The following TRIM26 variants were observed in gnomAD, a reference collection of about 807,000 sequenced individuals.
The protein encoded by TRIM26 is tripartite motif-containing protein 26.
Under a neutral mutation model 45.5 loss-of-function variants are expected in TRIM26, and 16 were observed. That is an observed-to-expected ratio of 0.35 (90% CI 0.24 to 0.53). TRIM26 has a LOEUF of 0.53. Among genes scored for constraint, TRIM26 ranks in the 20% least tolerant of loss-of-function variants. The probability of loss-of-function intolerance (pLI) is 0.92; values close to 1 mark genes in which losing one functional copy is unlikely to be tolerated. For missense variants in TRIM26, 442 were observed against 691.1 expected (o/e 0.64, Z 4.04); for synonymous variants, 273 against 290.4 (o/e 0.94, Z 0.61).
chr6:30,200,301 A>G (rs1777029333), intron 3 of TRIM26, among the ~76,000 whole-genome samples: 1 of 152,158 alleles, frequency 6.6e-6, no homozygotes, highest in Non-Finnish European at 1.5e-5. Context: ...AAAAAACCAG[A>G]AAACATTAAA....
chr6:30,201,297 A>G (rs148461877), intron 2 of TRIM26, among the ~76,000 whole-genome samples, 159 bp from the exon 3 acceptor site: 2 of 152,334 alleles, frequency 1.3e-5, no homozygotes, highest in East Asian at 3.9e-4. Flanking sequence ...TATAACGTCC[A>G]CTCATTGAGG....
intron 5 of TRIM26, among the ~76,000 whole-genome samples, chr6:30,198,000 C>T (rs541003284): frequency 3.9e-4 from 60 of 152,304 alleles, no homozygotes; most frequent in African/African-American, 1.4e-3. Context: ...TTTTCTAGCC[C>T]TTCCCTCTCA....
chr6:30,208,534 CCA>C (rs1777951603), intron 1 of TRIM26, among the ~76,000 whole-genome samples: 1 of 119,498 alleles, frequency 8.4e-6, no homozygotes, highest in Non-Finnish European at 1.7e-5. Context: ...TTTTTTTTTT[CCA>C]TGTATTTGGG....
In TRIM26 at chr6:30,189,297, T is replaced by C; in HGVS notation, c.905-98A>G. The stretch of plus-strand genomic sequence containing the variant: ...CAATTTCCTGATAGGGATCCATGTC[T>C]AAGACAAGAGGCCCTCAGAAGAGTG... On this transcript the variant is annotated intron_variant, in intron 8 of 9. Coordinates refer to ENST00000454678, the MANE Select transcript of TRIM26 (RefSeq NM_003449.5). This position sits in a 1 kb window ranked among gnomAD's most constrained non-coding sequence, Gnocchi z 5.0. 1 of 1,587,260 alleles carries C rather than the reference T, an allele frequency of 6.3e-7. No homozygotes were observed. Among genetic ancestry groups the C allele is most frequent in the Non-Finnish European group, 8.6e-7 (1 of 1,156,670 alleles).
At position 30,186,738 on chromosome 6, in the gene TRIM26, T is replaced by C; in HGVS notation, c.938-180A>G. The stretch of plus-strand genomic sequence containing the variant: ...TGTGACACATTTTCTGGCTTTGTAT[T>C]CTGCTAAATCACCATAACTAAACTG... On this transcript the variant is annotated intron_variant, in intron 9 of 9. Transcript: ENST00000454678. This position sits in a 1 kb window ranked among gnomAD's most constrained non-coding sequence, Gnocchi z 7.4. 9 of 1,016,242 alleles carry C rather than the reference T, an allele frequency of 8.9e-6. No homozygotes were observed. The highest frequency in any genetic ancestry group is 1.1e-5 in the Non-Finnish European group (8 of 698,988). The allele number at this position is 1,016,242 out of a possible 1,614,324, so 63.0% of individuals were successfully genotyped here.
chr6:30,213,154 G>A (rs1778464780), intron 1 of TRIM26, among the ~76,000 whole-genome samples, 151 bp downstream of exon 1: 1 of 152,242 alleles, frequency 6.6e-6, no homozygotes, highest in Non-Finnish European at 1.5e-5. Context: ...CTGGCAGGGA[G>A]GACGCAGCGA....
Position 30,207,796 on chromosome 6 carries a change from G to C in TRIM26, c.-375-3031C>G, listed in dbSNP as rs888400284. Among the ~76,000 whole-genome samples the C allele has an allele frequency of 6.6e-6, 1 of 152,028 alleles. No homozygotes were observed. The highest frequency in any genetic ancestry group is 2.4e-5 in the African/African-American group (1 of 41,390). ...ATGCTCTTTCCTGGCTAAGCCCTTCGACAATGTAATTCCTTCTGCCTAGAA... is the reference window on the plus strand; with the variant it reads ...ATGCTCTTTCCTGGCTAAGCCCTTCCACAATGTAATTCCTTCTGCCTAGAA... On this transcript the variant is annotated intron_variant, in intron 1 of 9. Coordinates refer to ENST00000454678, the MANE Select transcript of TRIM26 (RefSeq NM_003449.5). This position sits in a 1 kb window ranked among gnomAD's most constrained non-coding sequence, Gnocchi z 4.9.
Position 30,186,496 on chromosome 6 carries a change from A to G in TRIM26, c.1000T>C (p.Cys334Arg). 1 of 1,540,852 alleles carries G rather than the reference A, an allele frequency of 6.5e-7. No individual in the cohort carries two copies. Among genetic ancestry groups the G allele is most frequent in the Non-Finnish European group, 8.7e-7 (1 of 1,144,320 alleles). ...GYLQLSEDWK[C>R]VTYTSLYKSA... ...TTGTACAGGCTGGTGTAGGTCACGCACTTCCAGTCCTCTGACAGCTGCAGG... is the reference window on the plus strand; with the variant it reads ...TTGTACAGGCTGGTGTAGGTCACGCGCTTCCAGTCCTCTGACAGCTGCAGG... The change falls in exon 10 of 10, where the codon TGC (cysteine) becomes CGC (arginine). Residue 334 changes from cysteine to arginine, a missense_variant. Cys to Arg is a radical substitution (Grantham distance 180). Transcript: ENST00000454678. The surrounding 1 kb of genome is among the most constrained non-coding windows in gnomAD (Gnocchi z 7.4).
rs1775914621 is a variant in TRIM26, at chr6:30,192,152, CAA to C, written c.766-2119_766-2118del. ...GGCCTCTGGAGGGAAGTGATCCGCCCAAGTCTCCTGGAGGACTCTTCTCACCC... is the reference window on the plus strand; with the variant it reads ...GGCCTCTGGAGGGAAGTGATCCGCCCGTCTCCTGGAGGACTCTTCTCACCC... On this transcript the variant is annotated intron_variant, in intron 6 of 9. Coordinates refer to ENST00000454678, the MANE Select transcript of TRIM26 (RefSeq NM_003449.5). 2.0e-5 allele frequency among the ~76,000 whole-genome samples: 3 copies of C among 152,314 alleles called. No individual in the cohort carries two copies. In the South Asian group the frequency reaches 6.2e-4, roughly 32 times the overall value.
chr6:30,192,228 G>A (rs1402264830), intron 6 of TRIM26, among the ~76,000 whole-genome samples: 4 of 152,236 alleles, frequency 2.6e-5, no homozygotes, highest in African/African-American at 9.6e-5. Context: ...CAGTGGGGCT[G>A]CGGCAATGAG....
intron 5 of TRIM26, among the ~76,000 whole-genome samples, chr6:30,197,553 C>T (rs1212603483): frequency 6.6e-6 from 1 of 152,192 alleles, no homozygotes; most frequent in Non-Finnish European, 1.5e-5. Context: ...TAATCAAGTA[C>T]ATAATGTGCT....
intron 2 of TRIM26, among the ~76,000 whole-genome samples, chr6:30,203,256 G>A (rs1777385552): frequency 6.6e-6 from 1 of 151,780 alleles, no homozygotes; most frequent in East Asian, 1.9e-4. Flanking sequence ...TATTGCCCAG[G>A]CTGGTCTCAA....
chr6:30,190,456 C>T lies in TRIM26; in HGVS notation c.766-421G>A, dbSNP rs373957188. 72 of 225,638 alleles carry T rather than the reference C, an allele frequency of 3.2e-4. 5 individuals carry two copies. Among genetic ancestry groups the T allele is most frequent in the East Asian group, 1.7e-3 (17 of 10,284 alleles). 14.0% of individuals were successfully genotyped at this position (225,638 alleles called of 1,614,324 possible). On this transcript the variant is annotated intron_variant, in intron 6 of 9. Coordinates refer to ENST00000454678, the MANE Select transcript of TRIM26 (RefSeq NM_003449.5). This position sits in a 1 kb window ranked among gnomAD's most constrained non-coding sequence, Gnocchi z 4.3. ...ACCCACCAAGGGTTTCAAGTAGGGG[C>T]ATGATATGTGTGATCCGCTCTACAT... is the stretch of plus-strand genomic sequence containing the variant.
In TRIM26 at chr6:30,199,087, G is replaced by A; in HGVS notation, c.17C>T (p.Pro6Leu). 1 of 1,567,498 alleles carries A rather than the reference G, an allele frequency of 6.4e-7. No individual in the cohort carries two copies. Among genetic ancestry groups the A allele is most frequent in the Non-Finnish European group, 8.7e-7 (1 of 1,152,920 alleles). Reference sequence around the variant, plus strand: ...CACCTCCTCTTCCAGGCTCCGTAGTGGGGCTGACGTGGCCATGGTATCCTT... The same window carrying A: ...CACCTCCTCTTCCAGGCTCCGTAGTAGGGCTGACGTGGCCATGGTATCCTT... MATSA[P>L]LRSLEEEVTC... is the part of the protein sequence containing the mutation. Residue 6 changes from proline (P) to leucine (L), a missense_variant, in exon 4 of 10, where the codon CCA becomes CTA. Transcript: ENST00000454678.
Position 30,198,741 on chromosome 6 carries a change from G to A in TRIM26, c.363C>T (p.Cys121=), listed in dbSNP as rs779115965. 1.4e-5 allele frequency: 22 copies of A among 1,604,248 alleles called. No individual in the cohort carries two copies. Among genetic ancestry groups the A allele is most frequent in the Admixed American group, 6.7e-5 (4 of 59,980 alleles). The change falls in exon 4 of 10, where the codon TGC becomes TGT. Residue 121 remains cysteine (C), a synonymous_variant. Coordinates refer to ENST00000454678, the MANE Select transcript of TRIM26 (RefSeq NM_003449.5). This position sits in a 1 kb window ranked among gnomAD's most constrained non-coding sequence, Gnocchi z 6.3. ...YYCEDDGKLL[C]VMCRESREHR... is the part of the protein sequence containing the mutation. Reference sequence around the variant, plus strand: ...GCTCCCGGGACTCCCGGCACATCACGCACAGCAGCTTCCCGTCGTCCTCAC... The same window carrying A: ...GCTCCCGGGACTCCCGGCACATCACACACAGCAGCTTCCCGTCGTCCTCAC...
At chr6:30,193,154 G>A (rs879389716) in intron 6 of TRIM26, among the ~76,000 whole-genome samples, 8 of 49,130 alleles carry the variant, frequency 1.6e-4, no homozygotes, top group African/African-American at 2.2e-4. Flanking sequence ...GTGTGTGTGT[G>A]TGTGTGTGTA....
In TRIM26 at chr6:30,189,826, A is replaced by G; in HGVS notation, c.788+187T>C. The G allele has an allele frequency of 2.8e-6, 2 of 704,644 alleles. No individual in the cohort carries two copies. The highest frequency in any genetic ancestry group is 4.8e-6 in the Non-Finnish European group (2 of 419,152). The allele number at this position is 704,644 out of a possible 1,614,324, so 43.6% of individuals were successfully genotyped here. A position where few individuals can be genotyped will look rare whatever the true frequency, so the allele number is the denominator to read the frequency against. On this transcript the variant is annotated intron_variant, in intron 7 of 9. Transcript: ENST00000454678. This position sits in a 1 kb window ranked among gnomAD's most constrained non-coding sequence, Gnocchi z 5.0. ...GAGCTGGGGCTACACAGAGAACCATAAGGAGGAGAGCAAGTCTCCAGTTCT... is the reference window on the plus strand; with the variant it reads ...GAGCTGGGGCTACACAGAGAACCATGAGGAGGAGAGCAAGTCTCCAGTTCT...
chr6:30,197,311 G>A (rs1173556522), intron 5 of TRIM26, among the ~76,000 whole-genome samples: 1 of 152,144 alleles, frequency 6.6e-6, no homozygotes, highest in East Asian at 1.9e-4. Context: ...CTGGGGTTGG[G>A]GGAGTCCTCA....
At chr6:30,197,610 GTT>G (rs1776627038) in intron 5 of TRIM26, among the ~76,000 whole-genome samples, 1 of 152,116 alleles carries the variant, frequency 6.6e-6, no homozygotes, top group African/African-American at 2.4e-5. Context: ...TGGGTGATGG[GTT>G]CCAGGATCTC....
Sources: gnomAD v4.1 joint callset for allele counts (sites outside exome capture counted in the v4.1 genomes callset) on GRCh38, gnomAD v4.1.1 for gene constraint, Gnocchi (gnomAD v3.1) non-coding constraint, MANE v1.5 for transcripts, NCBI Gene and HGNC (gene_info 2026-07-23, HGNC 2026-07-21) for gene names.